The following FKBP5 variants were observed in gnomAD, a reference collection of about 807,000 sequenced individuals.
FKBP5 encodes FKBP prolyl isomerase 5, also known as peptidyl-prolyl cis-trans isomerase FKBP5.
FKBP5 carries 23 observed loss-of-function variants against 50.5 expected under a neutral mutation model. That is an observed-to-expected ratio of 0.46 (90% CI 0.33 to 0.65). The LOEUF (loss-of-function observed/expected upper bound fraction) is 0.65, where lower values mean the gene tolerates loss of function less well. Ranked by LOEUF, FKBP5 falls within the 30% of genes least tolerant of loss-of-function variation. FKBP5 has a pLI of 0.02. For missense variants in FKBP5, 411 were observed against 553.1 expected (o/e 0.74, Z 2.58); for synonymous variants, 176 against 190.6 (o/e 0.92, Z 0.63).
intron 1 of FKBP5, among the ~76,000 whole-genome samples, chr6:35,685,114 C>A (rs1765786373): frequency 6.6e-6 from 1 of 151,860 alleles, no homozygotes. Context: ...TGTAGGTTCT[C>A]AAACTACTAT....
At chr6:35,717,233 C>A (rs888554875) in intron 2 of FKBP5, among the ~76,000 whole-genome samples, 1 of 152,196 alleles carries the variant, frequency 6.6e-6, no homozygotes, top group Non-Finnish European at 1.5e-5. Context: ...AACAACTGAG[C>A]CCACATTTCC....
At chr6:35,675,802 T>A (rs1024043521) in intron 1 of FKBP5, among the ~76,000 whole-genome samples, 19 of 152,206 alleles carry the variant, frequency 1.2e-4, no homozygotes, top group African/African-American at 4.6e-4. Context: ...GTCATCATCA[T>A]CGAAACTTAG....
chr6:35,692,601 C>T (rs973739933), upstream of FKBP5, among the ~76,000 whole-genome samples: 4 of 152,020 alleles, frequency 2.6e-5, no homozygotes, highest in Non-Finnish European at 5.9e-5. Context: ...GAGTTCGAGA[C>T]CAGCCTGGCC....
chr6:35,703,040 AG>A (rs1438978919), intron 2 of FKBP5, among the ~76,000 whole-genome samples: 1 of 152,188 alleles, frequency 6.6e-6, no homozygotes, highest in Non-Finnish European at 1.5e-5. Flanking sequence ...ACCTGAGGTC[AG>A]GAGTTCAAGA....
chr6:35,622,291 C>T lies in FKBP5; in HGVS notation c.251-2017G>A, dbSNP rs546685029. On this transcript the variant is annotated intron_variant, in intron 3 of 10. Transcript: ENST00000357266. Reference sequence around the variant, plus strand: ...TGGAAGGCCAAAGCAGGAGCATCCACTTGAGCCCAAGAGTTTTAAGACCGG... The same window carrying T: ...TGGAAGGCCAAAGCAGGAGCATCCATTTGAGCCCAAGAGTTTTAAGACCGG... Among the ~76,000 whole-genome samples the T allele has an allele frequency of 7.3e-4, 111 of 152,232 alleles. 1 individual carries two copies. Among genetic ancestry groups the T allele is most frequent in the African/African-American group, 2.6e-3 (108 of 41,558 alleles).
intron 3 of FKBP5, among the ~76,000 whole-genome samples, chr6:35,635,031 A>AAAAAAAAAAAG: frequency 6.7e-6 from 1 of 148,684 alleles, no homozygotes; most frequent in African/African-American, 2.6e-5. Context: ...CTCTACAAAA[A>AAAAAAAAAAAG]AAAAAAAAAA....
intron 1 of FKBP5, among the ~76,000 whole-genome samples, chr6:35,652,543 T>G (rs1764834398): frequency 6.6e-6 from 1 of 152,098 alleles, no homozygotes; most frequent in African/African-American, 2.4e-5. Flanking sequence ...TGAAATAAAC[T>G]CCAGTCTCCC....
chr6:35,586,510 T>C (rs1362768576), intron 8 of FKBP5: 1 of 989,338 alleles, frequency 1.0e-6, no homozygotes, highest in Middle Eastern at 5.2e-4. Context: ...CTCACGCCTG[T>C]AATCTCAGCA....
At chr6:35,627,058 G>A (rs1291807258) in intron 3 of FKBP5, among the ~76,000 whole-genome samples, 3 of 152,200 alleles carry the variant, frequency 2.0e-5, no homozygotes, top group Non-Finnish European at 2.9e-5. Context: ...CTTCCATACC[G>A]TTTTCCACAG....
intron 5 of FKBP5, among the ~76,000 whole-genome samples, chr6:35,612,441 A>G (rs1763519390): frequency 6.6e-6 from 1 of 152,210 alleles, no homozygotes; most frequent in South Asian, 2.1e-4. Context: ...ATCAATTAAA[A>G]GGAAGCAAAA....
chr6:35,716,647 T>G (rs1766517253), intron 2 of FKBP5, among the ~76,000 whole-genome samples: 1 of 152,166 alleles, frequency 6.6e-6, no homozygotes, highest in South Asian at 2.1e-4. Context: ...ACTCAGTGAC[T>G]GCCGCTGAAT....
intron 5 of FKBP5, among the ~76,000 whole-genome samples, chr6:35,606,019 T>C (rs141016480): frequency 4.6e-4 from 70 of 152,350 alleles, no homozygotes; most frequent in African/African-American, 1.6e-3. Context: ...AAATAATTTA[T>C]GATTAAGTCC....
chr6:35,653,531 C>T (rs768604217), intron 1 of FKBP5, among the ~76,000 whole-genome samples: 31 of 152,142 alleles, frequency 2.0e-4, no homozygotes, highest in Non-Finnish European at 1.0e-4. Flanking sequence ...AAGGTACTGG[C>T]ATATTCCACA....
At chr6:35,705,243 TA>T (rs1766279982) in intron 2 of FKBP5, among the ~76,000 whole-genome samples, 3 of 2,858 alleles carry the variant, frequency 1.0e-3, no homozygotes, top group Non-Finnish European at 1.4e-3. Flanking sequence ...TATATATATA[TA>T]TATATATATA....
In FKBP5 at chr6:35,599,084, T is replaced by G. The variant is rs567845125; in HGVS notation, c.509-1680A>C. 1.2e-3 allele frequency among the ~76,000 whole-genome samples: 147 copies of G among 127,068 alleles called. 1 individual carries two copies. The highest frequency in any genetic ancestry group is 4.3e-3 in the African/African-American group (142 of 32,648). 83.4% of individuals were successfully genotyped at this position (127,068 alleles called of 152,430 possible). A position where few individuals can be genotyped will look rare whatever the true frequency, so the allele number is the denominator to read the frequency against. On this transcript the variant is annotated intron_variant, in intron 5 of 10. Coordinates refer to ENST00000357266, the MANE Select transcript of FKBP5 (RefSeq NM_004117.4). ...CAAATCTAGAGATTTCCTAAAATGC[T>G]TCTTTTCTAACACTGGCTGATCTAC... is the stretch of plus-strand genomic sequence containing the variant.
chr6:35,707,611 T>C (rs1305630743), intron 2 of FKBP5, among the ~76,000 whole-genome samples: 3 of 152,070 alleles, frequency 2.0e-5, no homozygotes, highest in Admixed American at 6.6e-5. Context: ...TGAACTCATG[T>C]TAAGGGAGTT....
chr6:35,574,408 C>A lies in FKBP5; in HGVS notation c.*1427G>T, dbSNP rs1459255426. The A allele has an allele frequency of 6.6e-6, 1 of 152,194 alleles. No individual in the cohort carries two copies. Among genetic ancestry groups the A allele is most frequent in the Non-Finnish European group, 1.5e-5 (1 of 68,036 alleles). 9.4% of individuals were successfully genotyped at this position (152,194 alleles called of 1,614,324 possible). Reference sequence around the variant, plus strand: ...GTTCCTTGGGTTGCCAAATGCATTCCCATGAGTGTTTCTTAGGCTGAGGGA... The same window carrying A: ...GTTCCTTGGGTTGCCAAATGCATTCACATGAGTGTTTCTTAGGCTGAGGGA... On this transcript the variant is annotated 3_prime_UTR_variant, in exon 11 of 11. Coordinates refer to ENST00000357266, the MANE Select transcript of FKBP5 (RefSeq NM_004117.4).
intron 3 of FKBP5, among the ~76,000 whole-genome samples, chr6:35,634,319 T>TCAACAACAA (rs574042031): frequency 6.6e-6 from 1 of 151,968 alleles, no homozygotes; most frequent in African/African-American, 2.4e-5. Flanking sequence ...TATGCCTAAA[T>TCAACAACAA]CAACAACAAC....
intron 2 of FKBP5, among the ~76,000 whole-genome samples, chr6:35,703,987 A>G (rs1045107623): frequency 6.6e-6 from 1 of 152,202 alleles, no homozygotes; most frequent in African/African-American, 2.4e-5. Context: ...TACCCCTGGA[A>G]GCTTAGCCTG....
Sources: allele counts gnomAD v4.1 joint callset (sites outside exome capture counted in the v4.1 genomes callset), GRCh38; gene constraint gnomAD v4.1.1; transcripts MANE v1.5; gene names NCBI Gene and HGNC (gene_info 2026-07-23, HGNC 2026-07-21).